The following SLC26A7 variants were observed in gnomAD, a reference collection of about 807,000 sequenced individuals.
SLC26A7 encodes the protein anion exchange transporter.
SLC26A7 carries 59 observed loss-of-function variants against 82.5 expected under a neutral mutation model. The ratio of observed to expected loss-of-function variants is 0.72; its 90% CI spans 0.58 to 0.89. The LOEUF (loss-of-function observed/expected upper bound fraction) is 0.89. Ranked by LOEUF, SLC26A7 falls within the 40% of genes least tolerant of loss-of-function variation. The pLI is 0.00. For synonymous variants in SLC26A7, 271 were observed against 274.3 expected, an observed-to-expected ratio of 0.99 and a Z score of 0.12; for missense variants, 820 against 793.0, an observed-to-expected ratio of 1.03 and a Z score of -0.41.
chr8:91,305,840 G>A (rs1812289333), intron 4 of SLC26A7, among the ~76,000 whole-genome samples: 1 of 152,066 alleles, frequency 6.6e-6, no homozygotes, highest in South Asian at 2.1e-4. Flanking sequence ...TCTAGTTTAG[G>A]TGACTTTTTC....
chr8:91,331,727 A>G (rs1813087819), intron 5 of SLC26A7, among the ~76,000 whole-genome samples: 1 of 152,118 alleles, frequency 6.6e-6, no homozygotes. Context: ...TTTTCCATAC[A>G]TTTTATCAGA....
intron 4 of SLC26A7, among the ~76,000 whole-genome samples, chr8:91,310,414 C>T (rs1226697592): frequency 6.6e-6 from 1 of 152,092 alleles, no homozygotes; most frequent in African/African-American, 2.4e-5. Flanking sequence ...TTGTGTCCCA[C>T]TGATGGGCAG....
intron 15 of SLC26A7, 73 bp from the exon 16 acceptor site, chr8:91,389,265 C>A: frequency 9.8e-7 from 1 of 1,018,224 alleles, no homozygotes; most frequent in Non-Finnish European, 1.5e-6. Context: ...TGTTACCCTC[C>A]CACCAGTCAA....
At position 91,389,276 on chromosome 8, in the gene SLC26A7, C is replaced by G. The variant is rs553363752; in HGVS notation, c.1676-62C>G. ...CCACTGTTACCCTCCCACCAGTCAA[C>G]AAAGCCAGCAGCAGAAGTCTCTTAA... On this transcript the variant is annotated intron_variant, in intron 15 of 18. Coordinates refer to ENST00000276609, the MANE Select transcript of SLC26A7 (RefSeq NM_052832.4). The G allele has an allele frequency of 3.5e-5, 43 of 1,231,256 alleles. No individual in the cohort carries two copies. In the South Asian group the frequency reaches 5.2e-4, roughly 15 times the overall value. 76.3% of individuals were successfully genotyped at this position (1,231,256 alleles called of 1,614,324 possible).
intron 1 of SLC26A7, among the ~76,000 whole-genome samples, chr8:91,212,368 T>A (rs1230983239): frequency 6.6e-6 from 1 of 152,134 alleles, no homozygotes; most frequent in Non-Finnish European, 1.5e-5. Context: ...TAAAGTTGAA[T>A]AGTTTAGGGA....
chr8:91,284,633 A>T (rs1459130731), intron 2 of SLC26A7, among the ~76,000 whole-genome samples: 1 of 152,146 alleles, frequency 6.6e-6, no homozygotes, highest in Non-Finnish European at 1.5e-5. Flanking sequence ...TGTTGGTACC[A>T]TGTATAGCAG....
At chr8:91,232,433 C>CA (rs1242170731) in intron 2 of SLC26A7, among the ~76,000 whole-genome samples, 4 of 151,998 alleles carry the variant, frequency 2.6e-5, no homozygotes, top group South Asian at 2.1e-4. Context: ...TTGTTAAAAA[C>CA]AAAAAAAGTC....
intron 8 of SLC26A7, 113 bp downstream of exon 8, chr8:91,340,664 A>G (rs1813383348): frequency 4.7e-6 from 6 of 1,272,822 alleles, no homozygotes; most frequent in African/African-American, 1.5e-5. Context: ...CTGTACAGCA[A>G]GAGTGGGTTG....
At chr8:91,358,770 T>A (rs1011156648) in intron 11 of SLC26A7, among the ~76,000 whole-genome samples, 1 of 152,192 alleles carries the variant, frequency 6.6e-6, no homozygotes, top group Non-Finnish European at 1.5e-5. Context: ...GATGAGTTCA[T>A]GTCCTTTGTA....
At chr8:91,389,305 T>G (rs748953506) in intron 15 of SLC26A7, 33 bp from the exon 16 acceptor site, 1 of 1,535,132 alleles carries the variant, frequency 6.5e-7, no homozygotes, top group Non-Finnish European at 9.0e-7. Flanking sequence ...CTCTTAAAAC[T>G]CTCCCTAACT....
intron 1 of SLC26A7, among the ~76,000 whole-genome samples, chr8:91,212,965 C>T (rs74704440): frequency 0.016 from 2,404 of 152,262 alleles, 25 homozygotes; most frequent in Admixed American, 0.027. Flanking sequence ...CTTACCCTTT[C>T]GGAGAACTCT....
Position 91,285,358 on chromosome 8 carries a change from G to C in SLC26A7, c.194-3778G>C, listed in dbSNP as rs149946464. 4.3e-3 allele frequency among the ~76,000 whole-genome samples: 659 copies of C among 152,316 alleles called. 4 individuals carry two copies. Among genetic ancestry groups the C allele is most frequent in the African/African-American group, 0.015 (611 of 41,562 alleles). ...CTTCATCTTCACATGGCGTTCACAC[G>C]CCTTCATTGTCACATGATGTTCTTC... On this transcript the variant is annotated intron_variant, in intron 2 of 18. Coordinates refer to ENST00000276609, the MANE Select transcript of SLC26A7 (RefSeq NM_052832.4).
At chr8:91,226,998 T>C (rs902529239) in intron 2 of SLC26A7, among the ~76,000 whole-genome samples, 2 of 152,248 alleles carry the variant, frequency 1.3e-5, no homozygotes, top group Non-Finnish European at 2.9e-5. Flanking sequence ...TCTGGAAGAA[T>C]GCATCTGCTT....
chr8:91,368,816 C>T (rs1814272822), intron 14 of SLC26A7, among the ~76,000 whole-genome samples: 1 of 152,206 alleles, frequency 6.6e-6, no homozygotes, highest in Non-Finnish European at 1.5e-5. Context: ...ACTTAATCAT[C>T]ACCAGCCCTG....
At chr8:91,211,449 C>T (rs531399098) in intron 1 of SLC26A7, among the ~76,000 whole-genome samples, 8 of 150,728 alleles carry the variant, frequency 5.3e-5, no homozygotes, top group East Asian at 3.9e-4. Context: ...ATTTAAATGC[C>T]GTTCATAAGT....
rs149383669 is a variant in SLC26A7 at position 91,222,589 on chromosome 8, C to T, written c.-34+3584C>T. ...GAAGGATATTGAATTTTATCAAAGG[C>T]CTTTTCTGCATATATTGAGATAATC... On this transcript the variant is annotated intron_variant, in intron 2 of 5. Transcript: ENST00000522862. 1.7e-3 allele frequency among the ~76,000 whole-genome samples: 264 copies of T among 152,200 alleles called. 1 individual carries two copies. Among genetic ancestry groups the T allele is most frequent in the African/African-American group, 6.1e-3 (253 of 41,532 alleles).
intron 5 of SLC26A7, among the ~76,000 whole-genome samples, chr8:91,319,615 C>T (rs1035938500): frequency 6.6e-6 from 1 of 152,204 alleles, no homozygotes; most frequent in Admixed American, 6.5e-5. Flanking sequence ...CAAGCTCCAG[C>T]TCAAACAAAA....
At chr8:91,338,315 G>A in intron 7 of SLC26A7, 83 bp downstream of exon 7, 1 of 828,556 alleles carries the variant, frequency 1.2e-6, no homozygotes, top group South Asian at 2.2e-5. Context: ...GAGTGGGTAT[G>A]GATATTTCAT....
At chr8:91,308,548 T>G (rs1160962122) in intron 4 of SLC26A7, among the ~76,000 whole-genome samples, 1 of 152,126 alleles carries the variant, frequency 6.6e-6, no homozygotes, top group South Asian at 2.1e-4. Context: ...AGTTACTCTA[T>G]TTTCTCCCTT....
Sources: allele counts gnomAD v4.1 joint callset (sites outside exome capture counted in the v4.1 genomes callset), GRCh38; gene constraint gnomAD v4.1.1; transcripts MANE v1.5; gene names NCBI Gene and HGNC (gene_info 2026-07-23, HGNC 2026-07-21).